MAF: variants seen among roughly 807,000 people sequenced by gnomAD.
The protein encoded by MAF is transcription factor Maf.
In MAF, 10 loss-of-function variants were observed where a neutral mutation model predicts 22.0. That is an observed-to-expected ratio of 0.45 (90% CI 0.28 to 0.77). The LOEUF is 0.77. Ranked by LOEUF, MAF falls within the 30% of genes least tolerant of loss-of-function variation. The pLI is 0.12. For missense variants in MAF, 544 were observed against 548.4 expected (o/e 0.99, Z 0.08); for synonymous variants, 337 against 255.8 (o/e 1.32, Z -3.03).
chr16:79,519,017 T>C, the MAF span, among the ~76,000 whole-genome samples: 2 of 152,194 alleles, frequency 1.3e-5, no homozygotes, highest in African/African-American at 4.8e-5. Context: ...CTCCTAGGAA[T>C]GGAAGAGCCA....
the MAF span, among the ~76,000 whole-genome samples, chr16:79,392,029 G>C: frequency 6.1e-4 from 92 of 150,252 alleles, 1 homozygote; most frequent in African/African-American, 2.0e-3. Flanking sequence ...GAGAGAGAGG[G>C]AAGAATGAGG....
At chr16:79,266,802 G>A in the MAF span, among the ~76,000 whole-genome samples, 5 of 152,276 alleles carry the variant, frequency 3.3e-5, no homozygotes, top group South Asian at 2.1e-4. Context: ...GCAAGGCACC[G>A]AACATGATCC....
At chr16:79,540,431 G>A in the MAF span, among the ~76,000 whole-genome samples, 3 of 152,080 alleles carry the variant, frequency 2.0e-5, no homozygotes, top group Admixed American at 6.6e-5. Flanking sequence ...GCCTCCCAGC[G>A]AGATCAGTTA....
chr16:79,497,390 C>T, the MAF span, among the ~76,000 whole-genome samples: 1 of 152,244 alleles, frequency 6.6e-6, no homozygotes, highest in East Asian at 1.9e-4. Context: ...CTCCACCCGC[C>T]TGCTTCCTCT....
At chr16:79,460,309 C>T in the MAF span, among the ~76,000 whole-genome samples, 99 of 152,240 alleles carry the variant, frequency 6.5e-4, no homozygotes, top group Non-Finnish European at 1.3e-4. Context: ...ATCTCATGTA[C>T]GTTTGTCTAT....
At chr16:79,430,068 G>T in the MAF span, among the ~76,000 whole-genome samples, 1 of 152,048 alleles carries the variant, frequency 6.6e-6, no homozygotes, top group African/African-American at 2.4e-5. Context: ...CATCCACCCC[G>T]GGGCCCCTTC....
chr16:79,349,532 A>G, the MAF span, among the ~76,000 whole-genome samples: 8 of 152,304 alleles, frequency 5.3e-5, no homozygotes, highest in African/African-American at 1.7e-4. Flanking sequence ...TCACTCTGGA[A>G]CTAACCACCA....
chr16:79,465,410 T>C, the MAF span, among the ~76,000 whole-genome samples: 1 of 152,094 alleles, frequency 6.6e-6, no homozygotes, highest in African/African-American at 2.4e-5. Context: ...CTGGGCAACA[T>C]GGCAAGACCA....
the MAF span, among the ~76,000 whole-genome samples, chr16:79,533,528 G>C: frequency 6.6e-6 from 1 of 152,122 alleles, no homozygotes; most frequent in East Asian, 1.9e-4. Context: ...GTGAGAGGGA[G>C]GAAGACAGAG....
At chr16:79,375,397 C>A in the MAF span, among the ~76,000 whole-genome samples, 2 of 152,166 alleles carry the variant, frequency 1.3e-5, no homozygotes, top group Non-Finnish European at 2.9e-5. Flanking sequence ...CACACACAGA[C>A]CTCACTTCCC....
At chr16:79,480,692 C>T in the MAF span, among the ~76,000 whole-genome samples, 1 of 152,114 alleles carries the variant, frequency 6.6e-6, no homozygotes, top group Non-Finnish European at 1.5e-5. Context: ...TGGCATTGGA[C>T]AGGGATGGCC....
At chr16:79,225,464 G>T in the MAF span, among the ~76,000 whole-genome samples, 1 of 152,018 alleles carries the variant, frequency 6.6e-6, no homozygotes, top group African/African-American at 2.4e-5. Context: ...AAAGACATAT[G>T]GGCAAAGACT....
At chr16:79,265,158 T>C in the MAF span, among the ~76,000 whole-genome samples, 1 of 152,232 alleles carries the variant, frequency 6.6e-6, no homozygotes, top group African/African-American at 2.4e-5. Context: ...GTCATTATTA[T>C]TATTATTCAA....
At chr16:79,546,487 G>A in the MAF span, among the ~76,000 whole-genome samples, 3 of 152,196 alleles carry the variant, frequency 2.0e-5, no homozygotes, top group Middle Eastern at 3.2e-3. Flanking sequence ...AACGTGGAAA[G>A]CAGAAGCGTT....
chr16:79,592,183 C>T (rs1913227871), downstream of MAF, among the ~76,000 whole-genome samples: 1 of 152,186 alleles, frequency 6.6e-6, no homozygotes, highest in Admixed American at 6.5e-5. Flanking sequence ...GCTACGCCTT[C>T]ATGCAAAGCA....
chr16:79,360,361 G>C, the MAF span, among the ~76,000 whole-genome samples: 35 of 152,266 alleles, frequency 2.3e-4, no homozygotes, highest in Non-Finnish European at 4.0e-4. Context: ...ACTGGGTTTG[G>C]TTGGATTACG....
the MAF span, among the ~76,000 whole-genome samples, chr16:79,267,623 G>C: frequency 6.6e-6 from 1 of 152,220 alleles, no homozygotes; most frequent in Admixed American, 6.5e-5. Flanking sequence ...GCACCGGGTA[G>C]TATGACATGG....
At chr16:79,517,363 G>T in the MAF span, among the ~76,000 whole-genome samples, 1 of 152,202 alleles carries the variant, frequency 6.6e-6, no homozygotes, top group Non-Finnish European at 1.5e-5. Context: ...CACACACTTT[G>T]TCATTGTGCT....
chr16:79,343,830 C>T, the MAF span, among the ~76,000 whole-genome samples: 5 of 152,194 alleles, frequency 3.3e-5, no homozygotes, highest in South Asian at 2.1e-4. Flanking sequence ...GGTCTTCCTA[C>T]CCCCCACGGT....
Sources: gnomAD v4.1 joint callset for allele counts (sites outside exome capture counted in the v4.1 genomes callset) on GRCh38, gnomAD v4.1.1 for gene constraint, MANE v1.5 for transcripts, NCBI Gene and HGNC (gene_info 2026-07-23, HGNC 2026-07-21) for gene names.